The following MEF2C variants were observed in gnomAD, a reference collection of about 807,000 sequenced individuals.
MEF2C encodes the protein myocyte enhancer factor 2C, also known as myocyte-specific enhancer factor 2C.
In MEF2C, 6 loss-of-function variants were observed where a neutral mutation model predicts 50.5. The observed-to-expected ratio is 0.12, with a 90% CI of 0.07 to 0.23. MEF2C has a LOEUF of 0.23. Ranked by LOEUF, MEF2C falls within the 10% of genes least tolerant of loss-of-function variation. MEF2C has a pLI of 1.00. For synonymous variants in MEF2C, 183 were observed against 228.0 expected (o/e 0.80, Z 1.78); for missense variants, 276 against 605.0 (o/e 0.46, Z 5.70).
chr5:88,862,286 C>T (rs967502458), intron 1 of MEF2C, among the ~76,000 whole-genome samples: 5 of 152,042 alleles, frequency 3.3e-5, no homozygotes, highest in Admixed American at 3.3e-4. Flanking sequence ...TCATGTCTTG[C>T]CTTTTCTGAC....
chr5:88,836,568 A>G (rs2153275172), intron 1 of MEF2C, among the ~76,000 whole-genome samples: 1 of 152,284 alleles, frequency 6.6e-6, no homozygotes, highest in South Asian at 2.1e-4. Context: ...CAGACGAGCA[A>G]AATGTTTCCT....
chr5:88,890,028 C>G (rs1834369467), intron 1 of MEF2C, among the ~76,000 whole-genome samples: 1 of 152,248 alleles, frequency 6.6e-6, no homozygotes, highest in East Asian at 1.9e-4. Context: ...CTGTCCCACT[C>G]TGGCCAGCCG....
intron 6 of MEF2C, chr5:88,739,102 C>G: frequency 1.0e-6 from 1 of 985,298 alleles, no homozygotes; most frequent in Non-Finnish European, 1.2e-6. Flanking sequence ...ATCAGAAACA[C>G]CCAATGTTAC....
In MEF2C at chr5:88,729,513, T is replaced by A. The variant is rs1400425501; in HGVS notation, c.835-166A>T. On this transcript the variant is annotated intron_variant, in intron 8 of 10. Transcript: ENST00000504921. ...ACTCTGCCAACCCTATCATTTACAA[T>A]CCTTCAAGAGACCAGCTGTTGCCAT... 3 of 655,500 alleles carry A rather than the reference T, an allele frequency of 4.6e-6. No individual in the cohort carries two copies. In the East Asian group the frequency reaches 8.9e-5, roughly 19 times the overall value. 40.6% of individuals were successfully genotyped at this position (655,500 alleles called of 1,614,324 possible).
intron 4 of MEF2C, among the ~76,000 whole-genome samples, chr5:88,759,475 T>C (rs917148734): frequency 6.6e-6 from 1 of 152,018 alleles, no homozygotes. Flanking sequence ...AGAGTGAAAC[T>C]CCGTCTCAAA....
intron 1 of MEF2C, among the ~76,000 whole-genome samples, chr5:88,865,710 A>G (rs1459189788): frequency 6.6e-6 from 1 of 152,212 alleles, no homozygotes; most frequent in East Asian, 1.9e-4. Context: ...AACTGGCCTC[A>G]GTGGTTTTGC....
chr5:88,811,752 A>G (rs2153126343), intron 2 of MEF2C, among the ~76,000 whole-genome samples: 1 of 152,316 alleles, frequency 6.6e-6, no homozygotes, highest in East Asian at 1.9e-4. Context: ...AAATGCACAG[A>G]AAAATAATTA....
intron 6 of MEF2C, chr5:88,741,370 A>G (rs1766685446): frequency 1.0e-6 from 1 of 985,356 alleles, no homozygotes; most frequent in Non-Finnish European, 1.2e-6. Context: ...CAATCCGGAA[A>G]AAGAGGAGTT....
chr5:88,863,744 GT>G (rs1826282959), intron 1 of MEF2C, among the ~76,000 whole-genome samples: 1 of 151,758 alleles, frequency 6.6e-6, no homozygotes, highest in African/African-American at 2.4e-5. Flanking sequence ...CACAGTATTT[GT>G]CTCTCTGTGC....
intron 2 of MEF2C, among the ~76,000 whole-genome samples, chr5:88,822,234 CAT>C (rs1393345860): frequency 6.6e-6 from 1 of 151,892 alleles, no homozygotes; most frequent in African/African-American, 2.4e-5. Context: ...AATGCTAATT[CAT>C]ATGTTTTTGA....
At chr5:88,738,581 A>G (rs1441822110) in intron 6 of MEF2C, 1 of 979,980 alleles carries the variant, frequency 1.0e-6, no homozygotes, top group African/African-American at 1.8e-5. Context: ...TCCAGAGTCC[A>G]TGCCCTGAAG....
intron 1 of MEF2C, chr5:88,839,335 C>CTT (rs1297980951): frequency 7.5e-6 from 1 of 132,532 alleles, no homozygotes; most frequent in Non-Finnish European, 1.6e-5. Context: ...CTCTCTCTCT[C>CTT]TCTCTCTCTC....
rs777741404 is a variant in MEF2C at position 88,787,747 on chromosome 5, C to T, written c.258+16851G>A. On this transcript the variant is annotated intron_variant, in intron 3 of 10. Transcript: ENST00000504921. The stretch of plus-strand genomic sequence containing the variant: ...TGGAGTCTGGATGAAGATAAAATTC[C>T]GCACATACTAATTAAGAAAAATCAG... Among the ~76,000 whole-genome samples, 6 of 152,222 alleles carry T rather than the reference C, an allele frequency of 3.9e-5. No homozygotes were observed. The South Asian group carries it at 6.2e-4, about 16-fold the overall frequency.
intron 3 of MEF2C, among the ~76,000 whole-genome samples, chr5:88,800,286 C>A (rs1410015064): frequency 6.6e-6 from 1 of 152,208 alleles, no homozygotes; most frequent in African/African-American, 2.4e-5. Flanking sequence ...CATGACCTGG[C>A]TGAATGAGTT....
At chr5:88,816,702 G>A (rs1373843567) in intron 2 of MEF2C, among the ~76,000 whole-genome samples, 1 of 151,662 alleles carries the variant, frequency 6.6e-6, no homozygotes, top group Admixed American at 6.6e-5. Context: ...ATTCAATTCT[G>A]ATGGGTATGA....
chr5:88,824,192 C>T (rs2153223314), intron 1 of MEF2C: 1 of 957,432 alleles, frequency 1.0e-6, no homozygotes, highest in Non-Finnish European at 1.2e-6. Flanking sequence ...TAAAGACTAA[C>T]ACTTGAAATG....
intron 1 of MEF2C, among the ~76,000 whole-genome samples, chr5:88,892,002 A>G (rs1462793800): frequency 6.7e-6 from 1 of 148,366 alleles, no homozygotes; most frequent in Non-Finnish European, 1.5e-5. Context: ...ATATTAAATA[A>G]TTTTAAATTA....
intron 2 of MEF2C, among the ~76,000 whole-genome samples, chr5:88,816,465 CTTTTT>C (rs70996497): frequency 1.3e-4 from 11 of 86,132 alleles, no homozygotes; most frequent in Non-Finnish European, 1.8e-4. Context: ...CTGCCTACTG[CTTTTT>C]TTTTTTTTTT....
chr5:88,779,601 T>TTGTGTGTGTGTG (rs58856249), intron 3 of MEF2C, among the ~76,000 whole-genome samples: 1 of 148,032 alleles, frequency 6.8e-6, no homozygotes, highest in African/African-American at 2.5e-5. Context: ...TTGTGTAGGT[T>TTGTGTGTGTGTG]TGTGTGTGTG....
Sources: gnomAD v4.1 joint callset for allele counts (sites outside exome capture counted in the v4.1 genomes callset) on GRCh38, gnomAD v4.1.1 for gene constraint, MANE v1.5 for transcripts, NCBI Gene and HGNC (gene_info 2026-07-23, HGNC 2026-07-21) for gene names.